ZNF2: variants seen among roughly 807,000 people sequenced by gnomAD.
ZNF2 encodes zinc finger protein 2.
A neutral mutation model predicts 21.9 loss-of-function variants in ZNF2; 12 were observed. The ratio of observed to expected loss-of-function variants is 0.55; its 90% CI spans 0.35 to 0.89. ZNF2 has a LOEUF of 0.89. ZNF2 is among the 40% of genes least tolerant of loss of function. ZNF2 has a pLI of 0.01. For missense variants in ZNF2, 462 were observed against 544.2 expected (o/e 0.85, Z 1.50); for synonymous variants, 186 against 196.3 (o/e 0.95, Z 0.44).
At position 95,181,762 on chromosome 2, in the gene ZNF2, C is replaced by T; in HGVS notation, c.934C>T (p.Pro312Ser). The change falls in exon 5 of 5, where the codon CCT becomes TCT. Residue 312 changes from proline to serine, a missense_variant. Pro to Ser is a moderately conservative substitution (Grantham distance 74). Transcript: ENST00000614034. ...TCAGCTAATCCACACTGGCAGGAAG[C>T]CTTATGAGTGTAACGAGTGCGGGAA... The part of the protein sequence containing the change: ...RHQLIHTGRK[P>S]YECNECGKAF... The T allele has an allele frequency of 1.2e-6, 2 of 1,614,188 alleles. No homozygotes were observed. Among genetic ancestry groups the T allele is most frequent in the Non-Finnish European group, 1.7e-6 (2 of 1,180,028 alleles).
chr2:95,179,753 C>T (rs1316943576), intron 3 of ZNF2, among the ~76,000 whole-genome samples: 1 of 152,208 alleles, frequency 6.6e-6, no homozygotes. Flanking sequence ...TGCATTTTCT[C>T]TCTAAAAGAC....
At chr2:95,176,126 CTA>C (rs1422536861) in intron 1 of ZNF2, 60 bp from the exon 2 acceptor site, 15 of 1,430,966 alleles carry the variant, frequency 1.0e-5, no homozygotes, top group African/African-American at 1.4e-5. Context: ...GGTCAAAAGA[CTA>C]TGCGACAGGA....
chr2:95,173,177 C>A (rs1297469928), intron 1 of ZNF2, among the ~76,000 whole-genome samples: 1 of 151,240 alleles, frequency 6.6e-6, no homozygotes, highest in Admixed American at 6.6e-5. Context: ...TTATTTTTTG[C>A]CCAGTAATTA....
At chr2:95,170,629 A>C (rs539899291) in intron 1 of ZNF2, among the ~76,000 whole-genome samples, 1 of 152,384 alleles carries the variant, frequency 6.6e-6, no homozygotes, top group East Asian at 1.9e-4. Flanking sequence ...CAGACCAGTA[A>C]ATATCTATTG....
intron 1 of ZNF2, among the ~76,000 whole-genome samples, chr2:95,171,884 T>C (rs549375928): frequency 6.6e-6 from 1 of 152,294 alleles, no homozygotes; most frequent in Non-Finnish European, 1.5e-5. Flanking sequence ...TCACCCCAGG[T>C]TCAGGGATTC....
In ZNF2 at chr2:95,171,563, A is replaced by G. The variant is rs149013185; in HGVS notation, c.-39-4625A>G. 5.6e-4 allele frequency among the ~76,000 whole-genome samples: 85 copies of G among 151,974 alleles called. 1 individual carries two copies. Among genetic ancestry groups the G allele is most frequent in the African/African-American group, 1.9e-3 (77 of 41,472 alleles). ...GTGCCTGGCTAATTTTTGTATTTTTAGTAGAAACAGGGTTTCACCATCTTG... is the reference window on the plus strand; with the variant it reads ...GTGCCTGGCTAATTTTTGTATTTTTGGTAGAAACAGGGTTTCACCATCTTG... On this transcript the variant is annotated intron_variant, in intron 1 of 4. Transcript: ENST00000614034.
intron 1 of ZNF2, among the ~76,000 whole-genome samples, chr2:95,175,752 T>TC (rs1315812375): frequency 6.6e-6 from 1 of 152,212 alleles, no homozygotes; most frequent in Non-Finnish European, 1.5e-5. Context: ...CAAGGGATGC[T>TC]CCTTTAGCAA....
At chr2:95,177,879 G>A (rs1196074800) in intron 3 of ZNF2, among the ~76,000 whole-genome samples, 1 of 152,196 alleles carries the variant, frequency 6.6e-6, no homozygotes, top group African/African-American at 2.4e-5. Context: ...TTCAGGGAGG[G>A]CCAGCGAGGG....
At chr2:95,174,453 A>G (rs1674375950) in intron 1 of ZNF2, among the ~76,000 whole-genome samples, 2 of 152,190 alleles carry the variant, frequency 1.3e-5, no homozygotes, top group South Asian at 4.1e-4. Context: ...TCTTCCCCAC[A>G]GCACTGCTCA....
chr2:95,180,427 T>C (rs1470148564), intron 4 of ZNF2, among the ~76,000 whole-genome samples, 155 bp downstream of exon 4: 8 of 152,214 alleles, frequency 5.3e-5, no homozygotes, highest in Non-Finnish European at 1.2e-4. Context: ...TTTTTCCCTC[T>C]ACACCTTAAC....
At chr2:95,171,102 A>G (rs1237581157) in intron 1 of ZNF2, among the ~76,000 whole-genome samples, 2 of 152,162 alleles carry the variant, frequency 1.3e-5, no homozygotes, top group Non-Finnish European at 2.9e-5. Flanking sequence ...ATAGTCCTTC[A>G]AAGTTCAAAT....
In ZNF2 at chr2:95,178,324, G is replaced by A. The variant is rs570305006; in HGVS notation, c.160+715G>A. Among the ~76,000 whole-genome samples the A allele has an allele frequency of 4.6e-5, 7 of 152,260 alleles. No individual in the cohort carries two copies. In the South Asian group the frequency reaches 1.5e-3, roughly 32 times the overall value. On this transcript the variant is annotated intron_variant, in intron 3 of 4. Transcript: ENST00000614034. ...AAATAAGCAGCAGATGGCAGTAAAA[G>A]GAGTCACATTGCAGATTTCCTACGA...
intron 1 of ZNF2, 88 bp from the exon 2 acceptor site, chr2:95,176,100 T>A: frequency 8.7e-7 from 1 of 1,144,138 alleles, no homozygotes; most frequent in Non-Finnish European, 1.3e-6. Flanking sequence ...CATATCCCCC[T>A]GGTATGTGCT....
Position 95,177,524 on chromosome 2 carries a change from T to C in ZNF2, c.75T>C (p.Asp25=). 6.2e-7 allele frequency: 1 copy of C among 1,614,108 alleles called. No homozygotes were observed. Among genetic ancestry groups the C allele is most frequent in the Non-Finnish European group, 8.5e-7 (1 of 1,180,012 alleles). ...TFEDVAVVFT[D]EEWSRLVPIQ... is the part of the protein sequence containing the mutation. ...AAGACGTTGCCGTGGTTTTCACAGA[T>C]GAAGAGTGGAGTCGTCTGGTCCCCA... is the stretch of plus-strand genomic sequence containing the variant. The change falls in exon 3 of 5, where the codon GAT becomes GAC. Residue 25 remains aspartate, a synonymous_variant. Transcript: ENST00000614034.
intron 1 of ZNF2, among the ~76,000 whole-genome samples, chr2:95,167,505 CAAAAAAAAAAAAA>C (rs756206050): frequency 4.4e-5 from 2 of 44,950 alleles, no homozygotes; most frequent in Admixed American, 4.2e-4. Context: ...GACTCAGTCT[CAAAAAAAAAAAAA>C]AAAAAAAAGA....
In ZNF2 at chr2:95,177,414, TG is replaced by T. The variant is rs552948356; in HGVS notation, c.34-68del. 1.3e-4 allele frequency: 200 copies of T among 1,566,474 alleles called. 2 individuals are homozygous for T. The South Asian group carries it at 2.3e-3, about 18-fold the overall frequency. On this transcript the variant is annotated intron_variant, in intron 2 of 4. Coordinates refer to ENST00000614034, the MANE Select transcript of ZNF2 (RefSeq NM_021088.4). ...ATGCGTCCTCCAGGGCTGTCATCTT[TG>T]ACATTTTTGGTCTGGTCCAAGTAAA...
intron 1 of ZNF2, among the ~76,000 whole-genome samples, chr2:95,173,162 A>G (rs1231864328): frequency 3.9e-5 from 6 of 152,006 alleles, no homozygotes; most frequent in African/African-American, 1.2e-4. Context: ...AAGTCATTCT[A>G]TAACTTATTT....
chr2:95,176,178 G>A lies in ZNF2; in HGVS notation c.-39-10G>A, dbSNP rs375693850. 6.9e-5 allele frequency: 112 copies of A among 1,613,172 alleles called. No homozygotes were observed. Among genetic ancestry groups the A allele is most frequent in the Non-Finnish European group, 9.0e-5 (106 of 1,179,358 alleles). On this transcript the variant is annotated splice_polypyrimidine_tract_variant and intron_variant, in intron 1 of 4. Coordinates refer to ENST00000614034, the MANE Select transcript of ZNF2 (RefSeq NM_021088.4). ...ACCTTCTTTCTCACCCCCCACTTCT[G>A]CCTCATTAGGACTCTGCCCTTGTCC...
Position 95,183,928 on chromosome 2 carries a change from T to C in ZNF2, c.*1822T>C, listed in dbSNP as rs1178052037. ...AGTCACCGTGCCCGGCCTATATTTTTATTTTATTAAAGGTTAGGCACTAGA... is the reference window on the plus strand; with the variant it reads ...AGTCACCGTGCCCGGCCTATATTTTCATTTTATTAAAGGTTAGGCACTAGA... On this transcript the variant is annotated 3_prime_UTR_variant, in exon 5 of 5. Transcript: ENST00000614034. 2.0e-5 allele frequency: 3 copies of C among 152,146 alleles called. No individual in the cohort carries two copies. The highest frequency in any genetic ancestry group is 7.2e-5 in the African/African-American group (3 of 41,424). The allele number at this position is 152,146 out of a possible 1,614,324, so 9.4% of individuals were successfully genotyped here. A position where few individuals can be genotyped will look rare whatever the true frequency, so the allele number is the denominator to read the frequency against.
Sources: gnomAD v4.1 joint callset for allele counts (sites outside exome capture counted in the v4.1 genomes callset) on GRCh38, gnomAD v4.1.1 for gene constraint, MANE v1.5 for transcripts, NCBI Gene and HGNC (gene_info 2026-07-23, HGNC 2026-07-21) for gene names.